Variants in PTPRD observed in about 807,000 individuals in gnomAD.
The protein encoded by PTPRD is receptor-type tyrosine-protein phosphatase delta.
A neutral mutation model predicts 214.5 loss-of-function variants in PTPRD; 34 were observed. The ratio of observed to expected loss-of-function variants is 0.16; its 90% CI spans 0.12 to 0.21. The LOEUF is 0.21. Ranked by LOEUF, PTPRD falls within the 10% of genes least tolerant of loss-of-function variation. The probability of loss-of-function intolerance (pLI) is 1.00; values close to 1 mark genes in which losing one functional copy is unlikely to be tolerated. For synonymous variants in PTPRD, 1,128 were observed against 845.7 expected (o/e 1.33, Z -5.79); for missense variants, 2,545 against 2,398.7 (o/e 1.06, Z -1.27).
At chr9:10,002,531 G>A (rs894521041) in intron 4 of PTPRD, among the ~76,000 whole-genome samples, 3 of 150,874 alleles carry the variant, frequency 2.0e-5, no homozygotes, top group Non-Finnish European at 4.4e-5. Context: ...GAAAACTAAA[G>A]TGTCTACAGC....
At chr9:9,004,960 T>C (rs1174977793) in intron 11 of PTPRD, among the ~76,000 whole-genome samples, 2 of 152,120 alleles carry the variant, frequency 1.3e-5, no homozygotes, top group Non-Finnish European at 2.9e-5. Context: ...TTCAGTGTCA[T>C]TTGCATTATC....
chr9:9,791,826 A>G (rs1432483369), intron 5 of PTPRD, among the ~76,000 whole-genome samples: 1 of 152,148 alleles, frequency 6.6e-6, no homozygotes, highest in African/African-American at 2.4e-5. Flanking sequence ...AAGCTATCCA[A>G]TTTCTAAATA....
At chr9:9,316,436 T>C (rs547301175) in intron 9 of PTPRD, among the ~76,000 whole-genome samples, 1 of 152,110 alleles carries the variant, frequency 6.6e-6, no homozygotes, top group Non-Finnish European at 1.5e-5. Context: ...TATCCTCAAA[T>C]TAAAAACAAG....
intron 10 of PTPRD, among the ~76,000 whole-genome samples, chr9:9,181,779 G>A (rs988663829): frequency 6.6e-6 from 1 of 151,842 alleles, no homozygotes; most frequent in Non-Finnish European, 1.5e-5. Context: ...ATTAATGGAG[G>A]CATATTTGAA....
chr9:10,280,755 A>G (rs934499334), intron 3 of PTPRD, among the ~76,000 whole-genome samples: 1 of 150,636 alleles, frequency 6.6e-6, no homozygotes, highest in African/African-American at 2.5e-5. Context: ...GACTACAGGC[A>G]TGCACCACAA....
rs767445600 is a variant in PTPRD, at chr9:8,560,470, CACATAT to C, written c.353-31697_353-31692del. On this transcript the variant is annotated intron_variant, in intron 14 of 45. Coordinates refer to ENST00000381196, the MANE Select transcript of PTPRD (RefSeq NM_002839.4). ...ACACACACACACACACACACACACA[CACATAT>C]ATACACTGTTTCATTGTCAAGGCTC... 1.5e-4 allele frequency among the ~76,000 whole-genome samples: 21 copies of C among 135,654 alleles called. No homozygotes were observed. In the Middle Eastern group the frequency reaches 0.011, roughly 70 times the overall value. 89.0% of individuals were successfully genotyped at this position (135,654 alleles called of 152,430 possible).
At chr9:9,776,047 G>A (rs1354875128) in intron 5 of PTPRD, among the ~76,000 whole-genome samples, 1 of 146,952 alleles carries the variant, frequency 6.8e-6, no homozygotes, top group African/African-American at 2.5e-5. Context: ...GTTAATATAA[G>A]CACTTTCTAG....
chr9:8,373,862 CTG>C, intron 39 of PTPRD, among the ~76,000 whole-genome samples: 1 of 70,156 alleles, frequency 1.4e-5, no homozygotes, highest in Non-Finnish European at 2.9e-5. Context: ...ATGTGTCTGT[CTG>C]TCTATCTATC....
Position 9,715,010 on chromosome 9 carries a change from G to C in PTPRD, c.-287+19523C>G, listed in dbSNP as rs539878861. ...TTTCAGCTTTTAGGGGAAGAAGAAAGTACCAGCAATAATTCATTTCTTACA... is the reference window on the plus strand; with the variant it reads ...TTTCAGCTTTTAGGGGAAGAAGAAACTACCAGCAATAATTCATTTCTTACA... On this transcript the variant is annotated intron_variant, in intron 7 of 45. Transcript: ENST00000381196. 2.6e-4 allele frequency among the ~76,000 whole-genome samples: 40 copies of C among 152,250 alleles called. No homozygotes were observed. The East Asian group carries it at 7.3e-3, about 28-fold the overall frequency.
chr9:10,223,441 G>A (rs1050059437), intron 3 of PTPRD, among the ~76,000 whole-genome samples: 1 of 151,922 alleles, frequency 6.6e-6, no homozygotes, highest in Non-Finnish European at 1.5e-5. Flanking sequence ...GAGGCGGGCA[G>A]ATCACTTGAG....
At chr9:9,235,563 G>A (rs2099966089) in intron 9 of PTPRD, among the ~76,000 whole-genome samples, 1 of 152,054 alleles carries the variant, frequency 6.6e-6, no homozygotes, top group Admixed American at 6.6e-5. Context: ...TATGAGGGGT[G>A]AGAAAAGGTA....
At chr9:10,365,047 A>G (rs1188192266) in intron 2 of PTPRD, among the ~76,000 whole-genome samples, 4 of 151,996 alleles carry the variant, frequency 2.6e-5, no homozygotes, top group African/African-American at 4.8e-5. Context: ...TTTTTTCTTT[A>G]TTACATCAAA....
At chr9:9,857,439 C>G (rs2061763288) in intron 5 of PTPRD, among the ~76,000 whole-genome samples, 1 of 152,114 alleles carries the variant, frequency 6.6e-6, no homozygotes, top group South Asian at 2.1e-4. Flanking sequence ...CTTTCCCAGG[C>G]CTAGGTAATT....
chr9:9,783,069 T>G (rs1466423578), intron 5 of PTPRD, among the ~76,000 whole-genome samples: 1 of 152,198 alleles, frequency 6.6e-6, no homozygotes, highest in Non-Finnish European at 1.5e-5. Flanking sequence ...TTTAAATTCT[T>G]CCAAGATTAT....
chr9:10,225,757 A>C (rs2099586855), intron 3 of PTPRD, among the ~76,000 whole-genome samples: 2 of 152,044 alleles, frequency 1.3e-5, no homozygotes. Flanking sequence ...AAATTAAATG[A>C]ATCCCATAAA....
At chr9:8,446,488 A>T (rs2095732262) in intron 34 of PTPRD, among the ~76,000 whole-genome samples, 1 of 152,232 alleles carries the variant, frequency 6.6e-6, no homozygotes, top group Non-Finnish European at 1.5e-5. Context: ...TATCATTCAT[A>T]ACAGACCCAT....
At chr9:9,012,669 G>C (rs1311730649) in intron 11 of PTPRD, among the ~76,000 whole-genome samples, 1 of 152,112 alleles carries the variant, frequency 6.6e-6, no homozygotes, top group Non-Finnish European at 1.5e-5. Flanking sequence ...TTACAGAATA[G>C]TATTGAAATT....
chr9:9,188,113 C>T (rs991587129), intron 9 of PTPRD, among the ~76,000 whole-genome samples: 3 of 151,954 alleles, frequency 2.0e-5, no homozygotes, highest in Non-Finnish European at 4.4e-5. Context: ...GACTTCTAAC[C>T]TATGGTTTAG....
intron 14 of PTPRD, among the ~76,000 whole-genome samples, chr9:8,566,100 A>ATGTGTGTGTGTG (rs139478736): frequency 0.038 from 5,255 of 137,844 alleles, 143 homozygotes; most frequent in Middle Eastern, 0.055. Context: ...AATGCAAAAT[A>ATGTGTGTGTGTG]TGTGTGTGTG....
Sources: gnomAD v4.1 joint callset for allele counts (sites outside exome capture counted in the v4.1 genomes callset) on GRCh38, gnomAD v4.1.1 for gene constraint, MANE v1.5 for transcripts, NCBI Gene and HGNC (gene_info 2026-07-23, HGNC 2026-07-21) for gene names.